The following MYBL2 variants were observed in gnomAD, a reference collection of about 807,000 sequenced individuals.
MYBL2 encodes the protein myb-related protein B.
Under a neutral mutation model 79.9 loss-of-function variants are expected in MYBL2, and 28 were observed. The ratio of observed to expected loss-of-function variants is 0.35; its 90% CI spans 0.26 to 0.48. The LOEUF is 0.48. Ranked by LOEUF, MYBL2 falls within the 20% of genes least tolerant of loss-of-function variation. MYBL2 has a pLI of 0.99. For synonymous variants in MYBL2, 378 were observed against 361.2 expected (o/e 1.05, Z -0.53); for missense variants, 735 against 893.9 (o/e 0.82, Z 2.27).
rs1987432108 is a variant in MYBL2, at chr20:43,692,306, C to T, written c.650C>T (p.Pro217Leu). 10 of 1,614,078 alleles carry T rather than the reference C, an allele frequency of 6.2e-6. No homozygotes were observed. The highest frequency in any genetic ancestry group is 8.5e-6 in the Non-Finnish European group (10 of 1,179,960). ...EDKDGLQSAQ[P>L]TEGQGSLLTN... Reference sequence around the variant, plus strand: ...AAGGACGGCCTCCAGAGTGCCCAGCCCACGGAAGGCCAGGTGAGACAGCTG... The same window carrying T: ...AAGGACGGCCTCCAGAGTGCCCAGCTCACGGAAGGCCAGGTGAGACAGCTG... Residue 217 changes from proline (P) to leucine (L), a missense_variant, in exon 6 of 14, where the codon CCC becomes CTC. By Grantham distance (98) the Pro-to-Leu change is moderately conservative. Coordinates refer to ENST00000217026, the MANE Select transcript of MYBL2 (RefSeq NM_002466.4).
Position 43,700,061 on chromosome 20 carries a change from A to G in MYBL2, c.951+17A>G, listed in dbSNP as rs772488597. 2.5e-6 allele frequency: 4 copies of G among 1,610,446 alleles called. No homozygotes were observed. In the Admixed American group the frequency reaches 5.0e-5, roughly 20 times the overall value. On this transcript the variant is annotated intron_variant, in intron 7 of 13. Transcript: ENST00000217026. ...ATCGAGTCGGTATGTTGGTCACAACACTTCACAGTGAGCACAGAACACCCC... is the reference window on the plus strand; with the variant it reads ...ATCGAGTCGGTATGTTGGTCACAACGCTTCACAGTGAGCACAGAACACCCC...
intron 6 of MYBL2, among the ~76,000 whole-genome samples, chr20:43,694,040 A>G (rs1430945578): frequency 6.6e-6 from 1 of 151,048 alleles, no homozygotes; most frequent in Non-Finnish European, 1.5e-5. Flanking sequence ...TAAATAAAAT[A>G]AAAATTTGAA....
At chr20:43,676,307 T>C (rs1016118968) in intron 2 of MYBL2, among the ~76,000 whole-genome samples, 1 of 151,636 alleles carries the variant, frequency 6.6e-6, no homozygotes, top group African/African-American at 2.4e-5. Context: ...GTCTCCTTGT[T>C]CCCTTCTTCG....
intron 7 of MYBL2, among the ~76,000 whole-genome samples, 175 bp downstream of exon 7, chr20:43,700,219 T>A (rs890469898): frequency 6.6e-6 from 1 of 152,114 alleles, no homozygotes; most frequent in African/African-American, 2.4e-5. Flanking sequence ...CAGCATGCAG[T>A]CCCTATCCTT....
At chr20:43,672,570 A>T (rs1451186856) in intron 1 of MYBL2, among the ~76,000 whole-genome samples, 4 of 152,150 alleles carry the variant, frequency 2.6e-5, no homozygotes, top group Non-Finnish European at 4.4e-5. Context: ...AAATAGTGAG[A>T]TGTTTCTACA....
intron 4 of MYBL2, among the ~76,000 whole-genome samples, chr20:43,683,450 G>A (rs528814103): frequency 6.6e-6 from 1 of 152,168 alleles, no homozygotes; most frequent in African/African-American, 2.4e-5. Context: ...GGGCTACCTT[G>A]GGAGTTCCCT....
rs548191036 is a variant in MYBL2 at position 43,712,337 on chromosome 20, C to G, written c.1720-665C>G. 5.3e-5 allele frequency among the ~76,000 whole-genome samples: 8 copies of G among 152,294 alleles called. No individual in the cohort carries two copies. The East Asian group carries it at 1.5e-3, about 29-fold the overall frequency. ...GTAAGGAGGGGAGGTGGGCGGTCAG[C>G]CTGGGCGGGACTTGCCCGAGCTGGC... On this transcript the variant is annotated intron_variant, in intron 11 of 13. Coordinates refer to ENST00000217026, the MANE Select transcript of MYBL2 (RefSeq NM_002466.4).
chr20:43,685,583 C>T (rs1030522596), intron 4 of MYBL2, among the ~76,000 whole-genome samples: 12 of 152,034 alleles, frequency 7.9e-5, no homozygotes, highest in African/African-American at 2.9e-4. Context: ...CATGGTGAAA[C>T]CCTGTCTACC....
intron 6 of MYBL2, among the ~76,000 whole-genome samples, chr20:43,697,331 CA>C (rs1412218457): frequency 1.3e-5 from 2 of 151,902 alleles, no homozygotes; most frequent in Non-Finnish European, 1.5e-5. Flanking sequence ...ATATATTGAC[CA>C]GGGGCGGTGG....
intron 1 of MYBL2, among the ~76,000 whole-genome samples, chr20:43,671,810 G>A (rs1479343663): frequency 6.6e-6 from 1 of 151,634 alleles, no homozygotes; most frequent in Admixed American, 6.6e-5. Flanking sequence ...ATAAATACGA[G>A]GATTTTTTGG....
intron 4 of MYBL2, among the ~76,000 whole-genome samples, chr20:43,684,243 T>C (rs1482366179): frequency 1.3e-5 from 2 of 151,252 alleles, no homozygotes; most frequent in East Asian, 3.9e-4. Flanking sequence ...TTTTTTTCCT[T>C]GTTAATTTTT....
At chr20:43,686,504 C>T (rs565084884) in intron 4 of MYBL2, among the ~76,000 whole-genome samples, 10 of 152,312 alleles carry the variant, frequency 6.6e-5, no homozygotes, top group Admixed American at 3.9e-4. Context: ...CATCCCTCTG[C>T]TCTTTTCTAC....
intron 6 of MYBL2, 152 bp downstream of exon 6, chr20:43,692,471 A>G: frequency 1.1e-6 from 1 of 902,168 alleles, no homozygotes; most frequent in Non-Finnish European, 1.6e-6. Flanking sequence ...ACTTCTGCAC[A>G]TAACTGGCAC....
chr20:43,706,368 T>A (rs1987783301), intron 9 of MYBL2, among the ~76,000 whole-genome samples: 1 of 152,174 alleles, frequency 6.6e-6, no homozygotes, highest in South Asian at 2.1e-4. Flanking sequence ...GCTTTTACAA[T>A]GGAAGTGCTT....
Position 43,702,510 on chromosome 20 carries a change from C to T in MYBL2, c.972C>T (p.Asp324=), listed in dbSNP as rs1987694242. 5 of 1,606,512 alleles carry T rather than the reference C, an allele frequency of 3.1e-6. No individual in the cohort carries two copies. The highest frequency in any genetic ancestry group is 4.3e-6 in the Non-Finnish European group (5 of 1,173,856). Residue 324 remains aspartate (D), a synonymous_variant, in exon 8 of 14, where the codon GAC becomes GAT. Coordinates refer to ENST00000217026, the MANE Select transcript of MYBL2 (RefSeq NM_002466.4). ...LIESDPDAWC[D]LSKFDLPEEP... ...GACAGGACCCTGATGCTTGGTGTGA[C>T]CTGAGTAAATTTGACCTCCCTGAGG...
chr20:43,685,487 C>G (rs1280632361), intron 4 of MYBL2, among the ~76,000 whole-genome samples: 1 of 151,980 alleles, frequency 6.6e-6, no homozygotes, highest in East Asian at 2.0e-4. Context: ...GGCCTGAGAC[C>G]TTGTCTCTTA....
At chr20:43,705,515 T>C (rs575009225) in intron 9 of MYBL2, among the ~76,000 whole-genome samples, 157 bp downstream of exon 9, 10 of 152,270 alleles carry the variant, frequency 6.6e-5, no homozygotes, top group African/African-American at 2.2e-4. Flanking sequence ...GCCACCACGA[T>C]TTATCATTTT....
chr20:43,698,936 C>T (rs917283659), intron 6 of MYBL2, among the ~76,000 whole-genome samples: 9 of 150,040 alleles, frequency 6.0e-5, no homozygotes, highest in Non-Finnish European at 1.2e-4. Context: ...TTCAGGAACT[C>T]AAGGGACCCA....
chr20:43,715,902 G>C lies in MYBL2; in HGVS notation c.1975-57G>C, dbSNP rs1409834476. On this transcript the variant is annotated intron_variant, in intron 13 of 13. Transcript: ENST00000217026. ...ACCCTTCCCTGGCCAGGATCACCAG[G>C]GTCTGTTGGGAACACATAGTCCCTG... is the stretch of plus-strand genomic sequence containing the variant. 4 of 1,548,480 alleles carry C rather than the reference G, an allele frequency of 2.6e-6. No homozygotes were observed. The African/African-American group carries it at 4.1e-5, about 16-fold the overall frequency.
Sources: gnomAD v4.1 joint callset for allele counts (sites outside exome capture counted in the v4.1 genomes callset) on GRCh38, gnomAD v4.1.1 for gene constraint, MANE v1.5 for transcripts, NCBI Gene and HGNC (gene_info 2026-07-23, HGNC 2026-07-21) for gene names.